Variants in ANKUB1 observed in about 807,000 individuals in gnomAD.
The protein encoded by ANKUB1 is protein ANKUB1.
In ANKUB1, 42 loss-of-function variants were observed where a neutral mutation model predicts 49.3. The observed-to-expected ratio is 0.85, with a 90% CI of 0.67 to 1.10. ANKUB1 has a LOEUF of 1.10. Ranked by LOEUF, ANKUB1 falls within the 50% of genes least tolerant of loss-of-function variation. The probability of loss-of-function intolerance (pLI) is 0.00; values close to 1 mark genes in which losing one functional copy is unlikely to be tolerated. For missense variants in ANKUB1, 613 were observed against 642.0 expected (o/e 0.95, Z 0.49); for synonymous variants, 222 against 231.0 (o/e 0.96, Z 0.35).
chr3:149,767,349 T>A lies in ANKUB1; in HGVS notation c.1313A>T (p.Glu438Val), dbSNP rs1717077224. The change falls in exon 5 of 6, where the codon GAA becomes GTA. Residue 438 changes from glutamate to valine, a missense_variant. Coordinates refer to ENST00000446160, the MANE Select transcript of ANKUB1 (RefSeq NM_001144960.3). ...AAGATATGTGTTTTTTATGAGCTTT[T>A]CTTTTTTCCTAGCTGTGGCAGTAAT... is the stretch of plus-strand genomic sequence containing the variant. ...KKITATARKK[E>V]KLIKNTYLPQ... The A allele has an allele frequency of 6.5e-7, 1 of 1,549,774 alleles. No individual in the cohort carries two copies. The highest frequency in any genetic ancestry group is 1.4e-5 in the African/African-American group (1 of 72,794).
intron 3 of ANKUB1, among the ~76,000 whole-genome samples, chr3:149,773,094 A>T (rs893045005): frequency 2.0e-5 from 3 of 152,008 alleles, no homozygotes; most frequent in African/African-American, 7.3e-5. Context: ...TGTCTTTAGG[A>T]TTCTTTCTAA....
intron 5 of ANKUB1, among the ~76,000 whole-genome samples, chr3:149,762,583 T>C (rs1395428938): frequency 6.6e-6 from 1 of 152,214 alleles, no homozygotes; most frequent in Admixed American, 6.5e-5. Context: ...CTTATTTCTC[T>C]TTTTGCAGCT....
intron 3 of ANKUB1, among the ~76,000 whole-genome samples, chr3:149,777,137 A>G (rs377625276): frequency 1.3e-5 from 2 of 152,054 alleles, no homozygotes; most frequent in African/African-American, 2.4e-5. Context: ...ACTCCTTTCT[A>G]TATTTCATAT....
chr3:149,763,962 A>G (rs1001011900), intron 5 of ANKUB1: 8 of 456,114 alleles, frequency 1.8e-5, no homozygotes, highest in African/African-American at 1.4e-4. Context: ...ATGCCAGATG[A>G]CTTGTCTGCT....
chr3:149,767,309 G>A lies in ANKUB1; in HGVS notation c.1353C>T (p.Leu451=). 2 of 1,551,638 alleles carry A rather than the reference G, an allele frequency of 1.3e-6. No homozygotes were observed. Among genetic ancestry groups the A allele is most frequent in the Non-Finnish European group, 1.7e-6 (2 of 1,146,970 alleles). The change falls in exon 5 of 6, where the codon CTC becomes CTT. Residue 451 remains leucine (L), a synonymous_variant. Coordinates refer to ENST00000446160, the MANE Select transcript of ANKUB1 (RefSeq NM_001144960.3). The part of the protein sequence containing the change: ...IKNTYLPQVP[L]PPVSRVGYSH... The stretch of plus-strand genomic sequence containing the variant: ...AATATCCCACTCTTGAAACTGGAGG[G>A]AGGGGGACTTGGGGAAGATATGTGT...
chr3:149,782,581 C>T (rs1576680071), intron 2 of ANKUB1, among the ~76,000 whole-genome samples: 1 of 151,942 alleles, frequency 6.6e-6, no homozygotes, highest in South Asian at 2.1e-4. Flanking sequence ...GGGTCTCACT[C>T]TGTTGCCCAG....
chr3:149,772,798 ACTT>A lies in ANKUB1; in HGVS notation c.452-2127_452-2125del, dbSNP rs571025275. Among the ~76,000 whole-genome samples, 12 of 152,062 alleles carry A rather than the reference ACTT, an allele frequency of 7.9e-5. No homozygotes were observed. In the South Asian group the frequency reaches 1.0e-3, roughly 13 times the overall value. ...GAATGAAGTTCTGCTGGACTCCCAA[ACTT>A]CTTCTGGCCATGCTCTGCCCTCCTA... is the stretch of plus-strand genomic sequence containing the variant. On this transcript the variant is annotated intron_variant, in intron 3 of 5. Transcript: ENST00000446160.
At chr3:149,766,817 A>AAGAAGCAGCAGCAGCAGCAGC in intron 5 of ANKUB1, 1 of 899,758 alleles carries the variant, frequency 1.1e-6, no homozygotes, top group Non-Finnish European at 1.7e-6. Flanking sequence ...GAAAAAAGAA[A>AAGAAGCAGCAGCAGCAGCAGC]AGCAGCAGCA....
At chr3:149,762,973 C>G (rs559966697) in intron 5 of ANKUB1, among the ~76,000 whole-genome samples, 4 of 152,312 alleles carry the variant, frequency 2.6e-5, no homozygotes, top group African/African-American at 9.6e-5. Context: ...TCACCTCTGC[C>G]CATGTTGTCT....
chr3:149,786,282 A>C (rs1230082978), intron 2 of ANKUB1, among the ~76,000 whole-genome samples: 2 of 151,936 alleles, frequency 1.3e-5, no homozygotes, highest in Non-Finnish European at 2.9e-5. Context: ...TGATCTACCC[A>C]CCTCGACCTC....
At chr3:149,784,532 T>C (rs987254431) in intron 2 of ANKUB1, among the ~76,000 whole-genome samples, 2 of 152,218 alleles carry the variant, frequency 1.3e-5, no homozygotes, top group African/African-American at 4.8e-5. Flanking sequence ...GGCTCAGTGT[T>C]GCCTGTAGTG....
At chr3:149,774,104 C>A (rs1197974311) in intron 3 of ANKUB1, among the ~76,000 whole-genome samples, 1 of 152,218 alleles carries the variant, frequency 6.6e-6, no homozygotes, top group Admixed American at 6.5e-5. Flanking sequence ...CTGAGCAAGT[C>A]CCCACTTTGT....
intron 5 of ANKUB1, chr3:149,766,928 C>T: frequency 8.9e-7 from 1 of 1,124,198 alleles, no homozygotes; most frequent in Admixed American, 2.0e-5. Context: ...GTTTCTTTCC[C>T]TCCTGAAAGT....
At chr3:149,780,974 T>C (rs1198802520) in intron 2 of ANKUB1, among the ~76,000 whole-genome samples, 1 of 151,876 alleles carries the variant, frequency 6.6e-6, no homozygotes, top group East Asian at 1.9e-4. Context: ...TATTTACTTT[T>C]ATTATTTATC....
chr3:149,788,590 A>T (rs1718218589), intron 2 of ANKUB1, among the ~76,000 whole-genome samples: 1 of 151,976 alleles, frequency 6.6e-6, no homozygotes, highest in Non-Finnish European at 1.5e-5. Context: ...CCTACTTTTT[A>T]TTTATAGAAT....
At position 149,784,228 on chromosome 3, in the gene ANKUB1, G is replaced by T. The variant is rs527305883; in HGVS notation, c.235-3773C>A. Among the ~76,000 whole-genome samples, 9 of 152,282 alleles carry T rather than the reference G, an allele frequency of 5.9e-5. No individual in the cohort carries two copies. In the South Asian group the frequency reaches 1.2e-3, roughly 21 times the overall value. On this transcript the variant is annotated intron_variant, in intron 2 of 5. Transcript: ENST00000446160. ...TAACTATGTTTTGACCCCAGCACTT[G>T]GTTGGTACAAGTCTGGTTATAGAAG...
chr3:149,763,169 A>T (rs1716850667), intron 5 of ANKUB1, among the ~76,000 whole-genome samples: 1 of 152,196 alleles, frequency 6.6e-6, no homozygotes, highest in African/African-American at 2.4e-5. Context: ...AACTGAGTTA[A>T]CCCATCCATG....
At chr3:149,792,165 C>T in intron 1 of ANKUB1, 112 bp downstream of exon 1, 3 of 608,452 alleles carry the variant, frequency 4.9e-6, no homozygotes, top group South Asian at 7.0e-5. Flanking sequence ...AGTTTTCGTT[C>T]CCTGTTTGCT....
intron 2 of ANKUB1, among the ~76,000 whole-genome samples, chr3:149,780,991 G>T: frequency 6.9e-6 from 1 of 145,668 alleles, no homozygotes; most frequent in Non-Finnish European, 1.5e-5. Flanking sequence ...TATCTTTCTT[G>T]TCTGTCTTCC....
Sources: allele counts gnomAD v4.1 joint callset (sites outside exome capture counted in the v4.1 genomes callset), GRCh38; gene constraint gnomAD v4.1.1; transcripts MANE v1.5; gene names NCBI Gene and HGNC (gene_info 2026-07-23, HGNC 2026-07-21).